Variants in WDR70 observed in about 807,000 individuals in gnomAD.
WDR70 encodes WD repeat-containing protein 70.
WDR70 carries 53 observed loss-of-function variants against 88.6 expected under a neutral mutation model. The ratio of observed to expected loss-of-function variants is 0.60; its 90% CI spans 0.48 to 0.75. The LOEUF (loss-of-function observed/expected upper bound fraction) is 0.75, where lower values mean the gene tolerates loss of function less well. WDR70 is among the 30% of genes least tolerant of loss of function. WDR70 has a pLI of 0.00. For missense variants in WDR70, 610 were observed against 823.2 expected (o/e 0.74, Z 3.17); for synonymous variants, 280 against 270.0 (o/e 1.04, Z -0.36).
intron 10 of WDR70, among the ~76,000 whole-genome samples, chr5:37,664,383 T>G (rs567104493): frequency 1.7e-3 from 261 of 152,354 alleles, no homozygotes; most frequent in African/African-American, 5.7e-3. Flanking sequence ...TATTGAGTCC[T>G]ACCTATAGAT....
chr5:37,709,947 A>T (rs74668120), intron 13 of WDR70, among the ~76,000 whole-genome samples: 32,800 of 152,082 alleles, frequency 0.22, 4,450 homozygotes, highest in Non-Finnish European at 0.31. Context: ...AGCATCAATA[A>T]GACTTGATTA....
chr5:37,649,733 C>CTTTTTTTTTTTTTTTTTTTTTTTTT (rs70978834), intron 10 of WDR70, among the ~76,000 whole-genome samples: 1 of 68,738 alleles, frequency 1.5e-5, no homozygotes, highest in African/African-American at 6.4e-5. Flanking sequence ...GTTATTACTT[C>CTTTTTTTTTTTTTTTTTTTTTTTTT]TTTTTTTTTT....
intron 10 of WDR70, among the ~76,000 whole-genome samples, chr5:37,622,834 A>G (rs181155316): frequency 4.1e-4 from 63 of 152,258 alleles, no homozygotes; most frequent in African/African-American, 1.4e-3. Context: ...TGGCACATGT[A>G]TACGTATGTA....
At chr5:37,478,136 C>T (rs4370304) in intron 7 of WDR70, among the ~76,000 whole-genome samples, 130,230 of 152,238 alleles carry the variant, frequency 0.86, 59,315 homozygotes, top group East Asian at 1. Flanking sequence ...CTGGCTTTCA[C>T]GCTATAGTCT....
intron 7 of WDR70, among the ~76,000 whole-genome samples, chr5:37,477,345 CCTCT>C (rs1042030951): frequency 2.0e-5 from 3 of 152,108 alleles, no homozygotes; most frequent in Non-Finnish European, 4.4e-5. Context: ...TATTTCTTGA[CCTCT>C]CTATTTAAAA....
chr5:37,677,820 T>A (rs1746284463), intron 10 of WDR70, among the ~76,000 whole-genome samples: 1 of 152,214 alleles, frequency 6.6e-6, no homozygotes, highest in African/African-American at 2.4e-5. Flanking sequence ...CTGTCTAATG[T>A]TGACAGTGGG....
intron 7 of WDR70, among the ~76,000 whole-genome samples, chr5:37,468,189 A>G (rs1298810333): frequency 2.0e-5 from 3 of 152,200 alleles, no homozygotes; most frequent in Non-Finnish European, 1.5e-5. Context: ...TGCAGTCTGT[A>G]GCAGATGGTA....
intron 9 of WDR70, among the ~76,000 whole-genome samples, chr5:37,571,464 A>T (rs1742903148): frequency 6.6e-6 from 1 of 152,190 alleles, no homozygotes; most frequent in Non-Finnish European, 1.5e-5. Context: ...GTTGGAATAA[A>T]TTTGATAACT....
chr5:37,479,082 T>C (rs1739574674), intron 7 of WDR70, among the ~76,000 whole-genome samples: 1 of 152,126 alleles, frequency 6.6e-6, no homozygotes, highest in Non-Finnish European at 1.5e-5. Flanking sequence ...AGATCCAGGA[T>C]ATAAGTATGA....
rs1738342841 is a variant in WDR70 at position 37,443,410 on chromosome 5, T to C, written c.686+38T>C. ...TTACTTAATATCTTCATATTTGACC[T>C]AATGTCTTCACATTGGAAGACAGTG... On this transcript the variant is annotated intron_variant, in intron 7 of 17. Transcript: ENST00000265107. The C allele has an allele frequency of 4.3e-6, 7 of 1,609,524 alleles. No homozygotes were observed. In the East Asian group the frequency reaches 1.6e-4, roughly 36 times the overall value.
chr5:37,508,110 T>C (rs1012009107), intron 8 of WDR70, among the ~76,000 whole-genome samples: 2 of 152,118 alleles, frequency 1.3e-5, no homozygotes, highest in Non-Finnish European at 2.9e-5. Flanking sequence ...AACTGTAGGT[T>C]TTTTGTACGT....
intron 7 of WDR70, among the ~76,000 whole-genome samples, chr5:37,448,484 T>G (rs1475318820): frequency 1.3e-5 from 2 of 152,216 alleles, no homozygotes; most frequent in African/African-American, 4.8e-5. Context: ...GCGTATGTAT[T>G]CATGCATATA....
chr5:37,422,017 C>A (rs1749961719), intron 5 of WDR70, among the ~76,000 whole-genome samples: 1 of 151,892 alleles, frequency 6.6e-6, no homozygotes, highest in Non-Finnish European at 1.5e-5. Context: ...CTGTTACAGG[C>A]CATCCTTCTC....
intron 9 of WDR70, among the ~76,000 whole-genome samples, chr5:37,519,940 A>T (rs1240468525): frequency 6.6e-6 from 1 of 152,166 alleles, no homozygotes; most frequent in Non-Finnish European, 1.5e-5. Context: ...CAGTGATTAA[A>T]TGGTTAAGAT....
chr5:37,634,808 C>T (rs1192376417), intron 10 of WDR70, among the ~76,000 whole-genome samples: 4 of 152,164 alleles, frequency 2.6e-5, no homozygotes, highest in Non-Finnish European at 5.9e-5. Flanking sequence ...CCCAGGCTAC[C>T]TGTCAAGGTA....
chr5:37,508,480 G>A (rs2112237076), intron 8 of WDR70, among the ~76,000 whole-genome samples: 1 of 152,308 alleles, frequency 6.6e-6, no homozygotes, highest in South Asian at 2.1e-4. Flanking sequence ...CTTTTATCAA[G>A]TTGAGTAAGT....
chr5:37,752,479 CT>C lies in WDR70; in HGVS notation c.1878-3del. 1 of 1,603,524 alleles carries C rather than the reference CT, an allele frequency of 6.2e-7. No homozygotes were observed. Among genetic ancestry groups the C allele is most frequent in the South Asian group, 1.1e-5 (1 of 89,240 alleles). On this transcript the variant is annotated splice_region_variant and splice_polypyrimidine_tract_variant and intron_variant, in intron 17 of 17. Coordinates refer to ENST00000265107, the MANE Select transcript of WDR70 (RefSeq NM_018034.4). ...TTTTTCCTTCTCTTCTTTAACTTTT[CT>C]TTTAGGACTCAGCCCAAAACCATGT...
chr5:37,509,035 G>A (rs890796542), intron 8 of WDR70, among the ~76,000 whole-genome samples: 2 of 151,998 alleles, frequency 1.3e-5, no homozygotes, highest in South Asian at 2.1e-4. Context: ...TATTATAATA[G>A]TAATATTTCT....
At chr5:37,696,497 A>G (rs1270564055) in intron 10 of WDR70, among the ~76,000 whole-genome samples, 1 of 152,162 alleles carries the variant, frequency 6.6e-6, no homozygotes, top group Non-Finnish European at 1.5e-5. Context: ...AGCAATGGAG[A>G]TGAGCTCACT....
Sources: allele counts gnomAD v4.1 joint callset (sites outside exome capture counted in the v4.1 genomes callset), GRCh38; gene constraint gnomAD v4.1.1; transcripts MANE v1.5; gene names NCBI Gene and HGNC (gene_info 2026-07-23, HGNC 2026-07-21).